TSPAN7: variants seen among roughly 807,000 people sequenced by gnomAD.
The protein encoded by TSPAN7 is tetraspanin-7.
In TSPAN7, 1 loss-of-function variant was observed where a neutral mutation model predicts 17.6. The observed-to-expected ratio is 0.06, with a 90% CI of 0.02 to 0.27. The LOEUF (loss-of-function observed/expected upper bound fraction) is 0.27, where lower values mean the gene tolerates loss of function less well. TSPAN7 is among the 10% of genes least tolerant of loss of function. TSPAN7 has a pLI of 1.00. For synonymous variants in TSPAN7, 78 were observed against 79.0 expected (o/e 0.99, Z 0.07); for missense variants, 112 against 201.7 (o/e 0.56, Z 2.69).
chrX:38,631,425 G>A (rs765891296), intron 1 of TSPAN7, among the ~76,000 whole-genome samples: 3 of 111,485 alleles, frequency 2.7e-5, no homozygotes, highest in Non-Finnish European at 3.8e-5. Context: ...GCAGCCTTCG[G>A]TATAAAACAA....
chrX:38,670,939 A>G, intron 2 of TSPAN7, among the ~76,000 whole-genome samples: 2 of 112,400 alleles, frequency 1.8e-5, no homozygotes, highest in Admixed American at 1.9e-4. Context: ...GCCGCAGGGA[A>G]TTGGCTTGCA....
At chrX:38,634,899 T>A (rs2069571256) in intron 1 of TSPAN7, among the ~76,000 whole-genome samples, 1 of 109,412 alleles carries the variant, frequency 9.1e-6, no homozygotes, top group South Asian at 4.0e-4. Context: ...CATAACCTGA[T>A]AAGAAGCCAT....
intron 1 of TSPAN7, among the ~76,000 whole-genome samples, chrX:38,636,972 T>A (rs2069584392): frequency 8.9e-6 from 1 of 112,585 alleles, no homozygotes. Context: ...TTTTTGTCCA[T>A]AATTTCTCTA....
intron 3 of TSPAN7, among the ~76,000 whole-genome samples, chrX:38,673,163 G>T (rs1264872318): frequency 9.0e-6 from 1 of 111,010 alleles, no homozygotes; most frequent in Non-Finnish European, 1.9e-5. Context: ...ACCATACTTA[G>T]CCCTAAGCTT....
intron 2 of TSPAN7, among the ~76,000 whole-genome samples, chrX:38,667,282 A>G (rs2069789466): frequency 8.9e-6 from 1 of 112,718 alleles, no homozygotes; most frequent in Non-Finnish European, 1.9e-5. Flanking sequence ...ACTTTTAGGT[A>G]CAGCAGTTAA....
At chrX:38,676,182 G>C (rs768516769) in intron 5 of TSPAN7, among the ~76,000 whole-genome samples, 1 of 111,254 alleles carries the variant, frequency 9.0e-6, no homozygotes, top group African/African-American at 3.3e-5. Flanking sequence ...TGGGGTGTCC[G>C]TCTTCTGCTT....
intron 1 of TSPAN7, among the ~76,000 whole-genome samples, chrX:38,639,320 C>T (rs1407112867): frequency 1.8e-5 from 2 of 109,022 alleles, no homozygotes; most frequent in Admixed American, 9.9e-5. Flanking sequence ...AGTTATGTAA[C>T]TTGTCCAAGG....
Position 38,687,677 on chromosome X carries a change from A to G in TSPAN7, c.*7+3A>G, listed in dbSNP as rs2069934147. ...GTATGAGATGGTGTAAGGAGAAGGT[A>G]GGTGACAGTGGGGAGTGTTTAATTT... On this transcript the variant is annotated splice_donor_region_variant and intron_variant, in intron 7 of 7. Coordinates refer to ENST00000378482, the MANE Select transcript of TSPAN7 (RefSeq NM_004615.4). 8.3e-7 allele frequency: 1 copy of G among 1,204,723 alleles called. No individual in the cohort carries two copies. The highest frequency in any genetic ancestry group is 1.8e-5 in the South Asian group (1 of 55,941).
At chrX:38,611,013 C>T (rs960549601) in intron 1 of TSPAN7, among the ~76,000 whole-genome samples, 13 of 111,923 alleles carry the variant, frequency 1.2e-4, no homozygotes, top group East Asian at 5.6e-4. Context: ...AAGAGAAAAT[C>T]GGTGGGTAGG....
chrX:38,640,522 A>G (rs1467922984), intron 1 of TSPAN7, among the ~76,000 whole-genome samples: 1 of 111,870 alleles, frequency 8.9e-6, no homozygotes, highest in Non-Finnish European at 1.9e-5. Flanking sequence ...CACAGCATTT[A>G]CTGTTCAAGG....
intron 1 of TSPAN7, among the ~76,000 whole-genome samples, chrX:38,626,497 C>T (rs1219202538): frequency 9.0e-6 from 1 of 111,550 alleles, no homozygotes; most frequent in Non-Finnish European, 1.9e-5. Flanking sequence ...TGCAGTGATC[C>T]GGAAGTTGCA....
intron 3 of TSPAN7, among the ~76,000 whole-genome samples, chrX:38,672,350 T>C (rs923128992): frequency 9.1e-6 from 1 of 109,508 alleles, no homozygotes; most frequent in Non-Finnish European, 1.9e-5. Context: ...CATTAACCCA[T>C]CTTGCTGCAC....
intron 1 of TSPAN7, among the ~76,000 whole-genome samples, chrX:38,603,664 A>G (rs1232994942): frequency 9.0e-6 from 1 of 111,406 alleles, no homozygotes; most frequent in Admixed American, 9.5e-5. Flanking sequence ...CATTTGTATA[A>G]AATGATCCAG....
intron 1 of TSPAN7, among the ~76,000 whole-genome samples, chrX:38,657,981 A>G (rs1319103134): frequency 9.0e-6 from 1 of 111,026 alleles, no homozygotes; most frequent in Non-Finnish European, 1.9e-5. Context: ...ATCCAAATAG[A>G]AGCTAGAGTT....
intron 1 of TSPAN7, among the ~76,000 whole-genome samples, chrX:38,653,645 C>T (rs1406832644): frequency 1.8e-5 from 2 of 112,607 alleles, no homozygotes; most frequent in African/African-American, 3.2e-5. Context: ...CGTCGACATA[C>T]ACATGAAGAT....
chrX:38,617,697 G>T (rs1456022099), intron 1 of TSPAN7, among the ~76,000 whole-genome samples: 1 of 112,131 alleles, frequency 8.9e-6, no homozygotes, highest in African/African-American at 3.2e-5. Flanking sequence ...GCCACACTTT[G>T]AGCAACACTG....
chrX:38,588,987 T>C (rs1216193658), intron 1 of TSPAN7, among the ~76,000 whole-genome samples: 2 of 112,269 alleles, frequency 1.8e-5, no homozygotes. Flanking sequence ...ACTCTTCTAC[T>C]GTTTACTTTC....
At chrX:38,602,043 C>G (rs1316950741) in intron 1 of TSPAN7, among the ~76,000 whole-genome samples, 4 of 111,845 alleles carry the variant, frequency 3.6e-5, no homozygotes, top group Non-Finnish European at 5.6e-5. Flanking sequence ...GAAGACTACA[C>G]AAGGGCTTAG....
At chrX:38,566,392 G>T in intron 1 of TSPAN7, 1 of 899,788 alleles carries the variant, frequency 1.1e-6, no homozygotes, top group Non-Finnish European at 1.4e-6. Context: ...AGCAAACAAT[G>T]TCAGGCTTAT....
Sources: gnomAD v4.1 joint callset for allele counts (sites outside exome capture counted in the v4.1 genomes callset) on GRCh38, gnomAD v4.1.1 for gene constraint, MANE v1.5 for transcripts, NCBI Gene and HGNC (gene_info 2026-07-23, HGNC 2026-07-21) for gene names.